Variants in FER1L6 observed in about 807,000 individuals in gnomAD.
FER1L6 encodes the protein fer-1 like family member 6, also known as fer-1-like protein 6.
FER1L6 carries 177 observed loss-of-function variants against 219.2 expected under a neutral mutation model. That is an observed-to-expected ratio of 0.81 (90% CI 0.71 to 0.91). The LOEUF is 0.91. FER1L6 is among the 40% of genes least tolerant of loss of function. The pLI, the probability that FER1L6 is intolerant of heterozygous loss-of-function variation, is 0.00. For missense variants in FER1L6, 2,153 were observed against 2,259.9 expected (o/e 0.95, Z 0.96); for synonymous variants, 768 against 824.3 (o/e 0.93, Z 1.17).
In FER1L6 at chr8:124,066,565, A is replaced by T; in HGVS notation, c.3678+15A>T. 1 of 1,610,754 alleles carries T rather than the reference A, an allele frequency of 6.2e-7. No individual in the cohort carries two copies. Among genetic ancestry groups the T allele is most frequent in the South Asian group, 1.1e-5 (1 of 90,306 alleles). ...AAGCCCAGAAGGTAGAGTCTCCCCT[A>T]CCTGTGGCAGTTAAGAGATTCAATA... On this transcript the variant is annotated intron_variant, in intron 27 of 40. Transcript: ENST00000522917.
chr8:123,935,390 C>T lies in FER1L6; in HGVS notation c.-7-20602C>T, dbSNP rs1012335422. On this transcript the variant is annotated intron_variant, in intron 1 of 40. Coordinates refer to ENST00000522917, the MANE Select transcript of FER1L6 (RefSeq NM_001039112.2). ...GTTTCTGGAATAATAAGATATTCCA[C>T]GTTCATTTTAAGAGAGGAAATTGAA... 9.9e-5 allele frequency among the ~76,000 whole-genome samples: 15 copies of T among 152,192 alleles called. No homozygotes were observed. The East Asian group carries it at 1.5e-3, about 16-fold the overall frequency.
chr8:124,001,089 T>C (rs1030236459), intron 12 of FER1L6, among the ~76,000 whole-genome samples: 1 of 152,088 alleles, frequency 6.6e-6, no homozygotes, highest in African/African-American at 2.4e-5. Context: ...ATGGGATGAT[T>C]TGGGGTCTAT....
At chr8:123,965,912 A>T in intron 3 of FER1L6, 95 bp from the exon 4 acceptor site, 1 of 1,102,278 alleles carries the variant, frequency 9.1e-7, no homozygotes, top group Non-Finnish European at 1.3e-6. Flanking sequence ...TAATAATATT[A>T]AATGAAAGGA....
At position 123,976,040 on chromosome 8, in the gene FER1L6, G is replaced by T; in HGVS notation, c.826G>T (p.Asp276Tyr). The part of the protein sequence containing the change: ...VTKAFVGDSK[D>Y]LVDPFVEVSF... The stretch of plus-strand genomic sequence containing the variant: ...CAAGGCATTTGTGGGTGACAGTAAG[G>T]ACCTGGTGGATCCCTTTGTGGAGGT... Residue 276 changes from aspartate (D) to tyrosine (Y), a missense_variant, in exon 9 of 41, where the codon GAC becomes TAC. By Grantham distance (160) the Asp-to-Tyr change is radical. Transcript: ENST00000522917. The T allele has an allele frequency of 1.2e-6, 2 of 1,613,996 alleles. No individual in the cohort carries two copies. Among genetic ancestry groups the T allele is most frequent in the Non-Finnish European group, 1.7e-6 (2 of 1,179,950 alleles).
intron 1 of FER1L6, among the ~76,000 whole-genome samples, chr8:123,872,364 A>G (rs1360119596): frequency 3.3e-5 from 5 of 152,162 alleles, no homozygotes; most frequent in African/African-American, 1.2e-4. Context: ...CAATTGAGGG[A>G]ACTTCTACAA....
chr8:124,089,536 C>G (rs1821933863), intron 33 of FER1L6, among the ~76,000 whole-genome samples: 1 of 152,212 alleles, frequency 6.6e-6, no homozygotes, highest in African/African-American at 2.4e-5. Context: ...CTCCCTCCCC[C>G]AAACTCCCAC....
At chr8:124,049,551 T>G in intron 21 of FER1L6, 56 bp from the exon 22 acceptor site, 2 of 1,589,422 alleles carry the variant, frequency 1.3e-6, no homozygotes, top group South Asian at 2.2e-5. Flanking sequence ...TTGATGTGGA[T>G]CAGAACCAGG....
At chr8:123,974,904 A>G (rs1446001095) in intron 7 of FER1L6, among the ~76,000 whole-genome samples, 1 of 151,998 alleles carries the variant, frequency 6.6e-6, no homozygotes, top group African/African-American at 2.4e-5. Context: ...AGTGATTTCT[A>G]CTAAGTCAAT....
chr8:123,959,968 A>T (rs1377252278), intron 2 of FER1L6, among the ~76,000 whole-genome samples: 1 of 152,222 alleles, frequency 6.6e-6, no homozygotes, highest in African/African-American at 2.4e-5. Flanking sequence ...GGGCAAGGAA[A>T]AAAATGCCAA....
At chr8:123,854,782 A>T (rs895475925) in intron 1 of FER1L6, among the ~76,000 whole-genome samples, 1 of 152,058 alleles carries the variant, frequency 6.6e-6, no homozygotes, top group African/African-American at 2.4e-5. Context: ...GGATAGCGGG[A>T]GACTGTGGGA....
chr8:123,910,915 G>C (rs950085816), intron 1 of FER1L6, among the ~76,000 whole-genome samples: 2 of 152,176 alleles, frequency 1.3e-5, no homozygotes, highest in African/African-American at 4.8e-5. Context: ...ATGGGCTTTA[G>C]AGTCAGAAGT....
At position 124,103,258 on chromosome 8, in the gene FER1L6, G is replaced by T. The variant is rs774687384; in HGVS notation, c.5238G>T (p.Gln1746His). 4 of 1,614,054 alleles carry T rather than the reference G, an allele frequency of 2.5e-6. No individual in the cohort carries two copies. The highest frequency in any genetic ancestry group is 3.4e-6 in the Non-Finnish European group (4 of 1,179,952). Reference protein sequence around the residue: ...ASEETKISIFQQKRVRGWWPF... With the variant: ...ASEETKISIFHQKRVRGWWPF... Reference sequence around the variant, plus strand: ...AGGAGACCAAGATCTCTATATTCCAGCAAAAACGTGTGCGTGGCTGGTGGC... The same window carrying T: ...AGGAGACCAAGATCTCTATATTCCATCAAAAACGTGTGCGTGGCTGGTGGC... The change falls in exon 39 of 41, where the codon CAG becomes CAT. Residue 1746 changes from glutamine (Q) to histidine (H), a missense_variant. By Grantham distance (24) the Gln-to-His change is conservative. Transcript: ENST00000522917.
chr8:123,881,131 A>G (rs900009416), intron 1 of FER1L6, among the ~76,000 whole-genome samples: 1 of 152,236 alleles, frequency 6.6e-6, no homozygotes, highest in African/African-American at 2.4e-5. Context: ...TTAGAGTTCA[A>G]TGCTAAGAGA....
chr8:124,060,494 G>T, intron 23 of FER1L6, 54 bp from the exon 24 acceptor site: 1 of 1,602,766 alleles, frequency 6.2e-7, no homozygotes, highest in Non-Finnish European at 8.5e-7. Context: ...GCCAGGGCAG[G>T]TGTGGGGCTC....
Position 123,856,308 on chromosome 8 carries a change from A to ATGTG in FER1L6, c.-8+4126_-8+4127insGTGT, listed in dbSNP as rs200449762. On this transcript the variant is annotated intron_variant, in intron 1 of 40. Transcript: ENST00000522917. The stretch of plus-strand genomic sequence containing the variant: ...TGTGTGTGTGTATATATATATATAT[A>ATGTG]TGTATGTGTATATATATATATATAT... 6.4e-4 allele frequency among the ~76,000 whole-genome samples: 41 copies of ATGTG among 64,212 alleles called. 4 individuals are homozygous for ATGTG. The highest frequency in any genetic ancestry group is 1.7e-3 in the East Asian group (5 of 2,948). 42.1% of individuals were successfully genotyped at this position (64,212 alleles called of 152,430 possible).
Position 124,082,454 on chromosome 8 carries a change from G to A in FER1L6, c.4387G>A (p.Glu1463Lys). The A allele has an allele frequency of 1.2e-6, 2 of 1,613,524 alleles. No individual in the cohort carries two copies. Among genetic ancestry groups the A allele is most frequent in the South Asian group, 2.2e-5 (2 of 90,972 alleles). Residue 1463 changes from glutamate (E) to lysine (K), a missense_variant, in exon 33 of 41, where the codon GAG (glutamate) becomes AAG (lysine). By Grantham distance (56) the Glu-to-Lys change is moderately conservative. Coordinates refer to ENST00000522917, the MANE Select transcript of FER1L6 (RefSeq NM_001039112.2). ...RAICGLQSQY[E>K]IEGYNAWRDT... The stretch of plus-strand genomic sequence containing the variant: ...CATCTGTGGCTTGCAGAGCCAGTAT[G>A]AGATGTAAGTTCTTTCTCCCCGGGA...
chr8:123,977,513 A>T lies in FER1L6; in HGVS notation c.967A>T (p.Ile323Phe). Residue 323 changes from isoleucine to phenylalanine, a missense_variant, in exon 10 of 41, where the codon ATC (isoleucine) becomes TTC (phenylalanine). Ile to Phe is a conservative substitution (Grantham distance 21). Transcript: ENST00000522917. ...MFPPLCRRVK[I>F]QVWDEGSMND... ...CCCTCCCTTGTGTCGGAGGGTGAAA[A>T]TCCAGGTGTGGGATGAAGGCAGCAT... is the stretch of plus-strand genomic sequence containing the variant. 1 of 1,614,068 alleles carries T rather than the reference A, an allele frequency of 6.2e-7. No individual in the cohort carries two copies. Among genetic ancestry groups the T allele is most frequent in the East Asian group, 2.2e-5 (1 of 44,860 alleles).
At chr8:124,042,775 C>T (rs1016952680) in intron 20 of FER1L6, among the ~76,000 whole-genome samples, 2 of 152,098 alleles carry the variant, frequency 1.3e-5, no homozygotes, top group African/African-American at 2.4e-5. Flanking sequence ...AAAAAGCCTC[C>T]GAAGGCTGTT....
chr8:123,865,374 C>T (rs1332393617), intron 1 of FER1L6, among the ~76,000 whole-genome samples: 2 of 150,002 alleles, frequency 1.3e-5, no homozygotes, highest in African/African-American at 5.0e-5. Flanking sequence ...AGAACCACTG[C>T]TCTCTTCAAA....
Sources: allele counts gnomAD v4.1 joint callset (sites outside exome capture counted in the v4.1 genomes callset), GRCh38; gene constraint gnomAD v4.1.1; transcripts MANE v1.5; gene names NCBI Gene and HGNC (gene_info 2026-07-23, HGNC 2026-07-21).